The following ARMH4 variants were observed in gnomAD, a reference collection of about 807,000 sequenced individuals.
The protein encoded by ARMH4 is armadillo like helical domain containing 4, also known as armadillo-like helical domain-containing protein 4.
In ARMH4, 49 loss-of-function variants were observed where a neutral mutation model predicts 61.9. The ratio of observed to expected loss-of-function variants is 0.79; its 90% CI spans 0.63 to 1.00. The LOEUF (loss-of-function observed/expected upper bound fraction) is 1.00. ARMH4 is among the 50% of genes least tolerant of loss of function. The pLI is 0.00. For synonymous variants in ARMH4, 368 were observed against 341.5 expected (o/e 1.08, Z -0.85); for missense variants, 934 against 930.0 (o/e 1.00, Z -0.06).
At chr14:58,102,249 G>A (rs1566580773) in intron 4 of ARMH4, among the ~76,000 whole-genome samples, 1 of 152,152 alleles carries the variant, frequency 6.6e-6, no homozygotes, top group Non-Finnish European at 1.5e-5. Flanking sequence ...AGGAAAGCAA[G>A]AGAGGCTGAT....
intron 5 of ARMH4, among the ~76,000 whole-genome samples, chr14:58,083,561 C>T (rs1464810652): frequency 1.3e-5 from 2 of 152,230 alleles, no homozygotes; most frequent in South Asian, 2.1e-4. Flanking sequence ...CCAGCCTGGG[C>T]GACAGAGCAA....
chr14:58,148,193 T>C (rs1041359521), intron 1 of ARMH4, among the ~76,000 whole-genome samples: 1 of 152,142 alleles, frequency 6.6e-6, no homozygotes, highest in African/African-American at 2.4e-5. Context: ...ATAACAGGCA[T>C]GTGCCACCAC....
chr14:58,029,228 A>G (rs1447579620), intron 5 of ARMH4, among the ~76,000 whole-genome samples: 1 of 150,880 alleles, frequency 6.6e-6, no homozygotes, highest in African/African-American at 2.4e-5. Flanking sequence ...TCTTTCACTT[A>G]GCATAACTTT....
At chr14:58,099,308 C>T (rs533620864) in intron 4 of ARMH4, among the ~76,000 whole-genome samples, 4 of 152,246 alleles carry the variant, frequency 2.6e-5, no homozygotes, top group African/African-American at 9.6e-5. Context: ...ACCACATTCC[C>T]GGGCAAAGCC....
intron 5 of ARMH4, among the ~76,000 whole-genome samples, chr14:58,087,128 G>C (rs190645258): frequency 1.3e-5 from 2 of 152,256 alleles, no homozygotes; most frequent in African/African-American, 4.8e-5. Context: ...CTGATTCCTT[G>C]TTTTAACATT....
intron 4 of ARMH4, among the ~76,000 whole-genome samples, chr14:58,110,445 C>T (rs1207071442): frequency 6.6e-6 from 1 of 152,056 alleles, no homozygotes; most frequent in African/African-American, 2.4e-5. Context: ...TTAAAGTGAA[C>T]AAACTCACTG....
At chr14:58,013,524 C>T (rs1233069302) in intron 5 of ARMH4, among the ~76,000 whole-genome samples, 1 of 152,126 alleles carries the variant, frequency 6.6e-6, no homozygotes, top group Non-Finnish European at 1.5e-5. Context: ...GTCGGTGCCT[C>T]CATTTACAAT....
At chr14:58,006,847 C>T (rs951095923) in intron 6 of ARMH4, among the ~76,000 whole-genome samples, 54 of 152,152 alleles carry the variant, frequency 3.5e-4, no homozygotes, top group African/African-American at 1.3e-3. Context: ...CAACATGGCA[C>T]ATGTATACAT....
chr14:58,041,408 A>C (rs1883698659), intron 5 of ARMH4, among the ~76,000 whole-genome samples: 1 of 152,220 alleles, frequency 6.6e-6, no homozygotes, highest in South Asian at 2.1e-4. Flanking sequence ...AGATTTTCTC[A>C]ACACCAGGCC....
chr14:58,078,505 C>A (rs1238876301), intron 5 of ARMH4, among the ~76,000 whole-genome samples: 1 of 152,160 alleles, frequency 6.6e-6, no homozygotes, highest in Non-Finnish European at 1.5e-5. Context: ...GTTGCCTATC[C>A]AACAGCCACT....
In ARMH4 at chr14:58,133,389, T is replaced by TTA; in HGVS notation, c.1370-49_1370-48insTA. The TTA allele has an allele frequency of 6.8e-6, 9 of 1,321,340 alleles. No individual in the cohort carries two copies. In the South Asian group the frequency reaches 1.4e-4, roughly 20 times the overall value. 81.9% of individuals were successfully genotyped at this position (1,321,340 alleles called of 1,614,324 possible). A position where few individuals can be genotyped will look rare whatever the true frequency, so the allele number is the denominator to read the frequency against. ...AAAATAGACCAAATCCCTATTTTTT[T>TTA]AAAAAAAAAAAATCATGATATGATT... On this transcript the variant is annotated intron_variant, in intron 2 of 7. Coordinates refer to ENST00000267485, the MANE Select transcript of ARMH4 (RefSeq NM_001001872.4).
At chr14:58,048,313 T>C (rs1185449673) in intron 5 of ARMH4, among the ~76,000 whole-genome samples, 1 of 152,214 alleles carries the variant, frequency 6.6e-6, no homozygotes, top group Non-Finnish European at 1.5e-5. Context: ...TCTAAAAATA[T>C]AAAGGCATCA....
At chr14:58,114,644 T>TA (rs1383704065) in intron 4 of ARMH4, among the ~76,000 whole-genome samples, 1 of 152,198 alleles carries the variant, frequency 6.6e-6, no homozygotes, top group East Asian at 1.9e-4. Context: ...AGTTTTTATT[T>TA]GTTTTTCAAA....
rs151075147 is a variant in ARMH4 at position 58,073,526 on chromosome 14, C to G, written c.2089+23198G>C. Reference sequence around the variant, plus strand: ...AGTTCTAAAGTAGTTATTATCCTAACAAGCAATCAACTGTTACTTCCTCTT... The same window carrying G: ...AGTTCTAAAGTAGTTATTATCCTAAGAAGCAATCAACTGTTACTTCCTCTT... On this transcript the variant is annotated intron_variant, in intron 5 of 7. Transcript: ENST00000267485. 3.4e-3 allele frequency among the ~76,000 whole-genome samples: 525 copies of G among 152,292 alleles called. 6 individuals carry two copies. The highest frequency in any genetic ancestry group is 0.012 in the African/African-American group (481 of 41,560).
rs926629701 is a variant in ARMH4 at position 58,002,503 on chromosome 14, T to C, written c.*2233A>G. ...TATTTGGGAATTTATTACACTACAG[T>C]TTGAAGATTCAACCTATTAGCCATG... On this transcript the variant is annotated 3_prime_UTR_variant, in exon 8 of 8. Transcript: ENST00000267485. 9 of 152,190 alleles carry C rather than the reference T, an allele frequency of 5.9e-5. No homozygotes were observed. Among genetic ancestry groups the C allele is most frequent in the African/African-American group, 2.2e-4 (9 of 41,460 alleles). The allele number at this position is 152,190 out of a possible 1,614,324, so 9.4% of individuals were successfully genotyped here. A position where few individuals can be genotyped will look rare whatever the true frequency, so the allele number is the denominator to read the frequency against.
At position 58,080,235 on chromosome 14, in the gene ARMH4, T is replaced by C. The variant is rs182916079; in HGVS notation, c.2089+16489A>G. Among the ~76,000 whole-genome samples, 909 of 152,152 alleles carry C rather than the reference T, an allele frequency of 6.0e-3. 34 individuals carry two copies. Among genetic ancestry groups the C allele is most frequent in the Admixed American group, 0.052 (802 of 15,284 alleles). On this transcript the variant is annotated intron_variant, in intron 5 of 7. Transcript: ENST00000267485. ...ACCTCCACTTCCTGGGTTCAAGTGA[T>C]TCTCCTGCCTCAGCCTACCAAGTAG...
In ARMH4 at chr14:58,148,631, T is replaced by C. The variant is rs765453314; in HGVS notation, c.-57+3444A>G. Reference sequence around the variant, plus strand: ...TAAATATTTGTTGGCATGATGTGAATATAAATAACCATTTAAGAATATGAA... The same window carrying C: ...TAAATATTTGTTGGCATGATGTGAACATAAATAACCATTTAAGAATATGAA... On this transcript the variant is annotated intron_variant, in intron 1 of 7. Transcript: ENST00000267485. Among the ~76,000 whole-genome samples the C allele has an allele frequency of 8.5e-4, 130 of 152,332 alleles. 1 individual carries two copies. The Middle Eastern group carries it at 0.01, about 12-fold the overall frequency.
At chr14:58,026,452 T>C (rs1387091824) in intron 5 of ARMH4, among the ~76,000 whole-genome samples, 2 of 152,180 alleles carry the variant, frequency 1.3e-5, no homozygotes, top group Non-Finnish European at 2.9e-5. Flanking sequence ...TCAGGGAAAC[T>C]GAAATTCTCA....
chr14:58,147,317 T>TTA (rs1491373778), intron 1 of ARMH4, among the ~76,000 whole-genome samples: 217 of 29,656 alleles, frequency 7.3e-3, no homozygotes, highest in African/African-American at 0.023. Flanking sequence ...ATCCAGATGG[T>TTA]TTTTTTTTTT....
Sources: allele counts gnomAD v4.1 joint callset (sites outside exome capture counted in the v4.1 genomes callset), GRCh38; gene constraint gnomAD v4.1.1; transcripts MANE v1.5; gene names NCBI Gene and HGNC (gene_info 2026-07-23, HGNC 2026-07-21).